KDR: variants seen among roughly 807,000 people sequenced by gnomAD.
KDR encodes the protein vascular endothelial growth factor receptor 2.
In KDR, 43 loss-of-function variants were observed where a neutral mutation model predicts 160.9. The observed-to-expected ratio is 0.27, with a 90% CI of 0.21 to 0.34. The LOEUF is 0.34. Among genes scored for constraint, KDR ranks in the 10% least tolerant of loss-of-function variants. KDR has a pLI of 1.00. For synonymous variants in KDR, 617 were observed against 600.1 expected (o/e 1.03, Z -0.41); for missense variants, 1,469 against 1,666.4 (o/e 0.88, Z 2.06).
At chr4:55,098,359 C>T in intron 16 of KDR, 87 bp from the exon 17 acceptor site, 27 of 1,464,248 alleles carry the variant, frequency 1.8e-5, no homozygotes, top group Non-Finnish European at 2.5e-5. Flanking sequence ...ATTGGAGCCT[C>T]ATTCCTGTCT....
At chr4:55,121,978 A>G (rs1720892430) in intron 1 of KDR, among the ~76,000 whole-genome samples, 1 of 152,194 alleles carries the variant, frequency 6.6e-6, no homozygotes, top group African/African-American at 2.4e-5. Flanking sequence ...CATACATGCA[A>G]ACTAATGTAC....
rs756358189 is a variant in KDR, at chr4:55,102,417, A to T, written c.2079T>A (p.Asn693Lys). The change falls in exon 14 of 30, where the codon AAT (asparagine) becomes AAA (lysine). Residue 693 changes from asparagine (N) to lysine (K), a missense_variant. Asn to Lys is a moderately conservative substitution (Grantham distance 94). This residue lies in a region of KDR where 39 missense variants were observed against 72.1 expected (regional missense o/e 0.54). Transcript: ENST00000263923. ...SIEVSCTASG[N>K]PPPQIMWFKD... ...TAAACCACATGATCTGTGGAGGGGG[A>T]TTCCCAGATGCCGTGCATGAGACTT... The T allele has an allele frequency of 1.9e-6, 3 of 1,613,382 alleles. No homozygotes were observed. The East Asian group carries it at 6.7e-5, about 36-fold the overall frequency.
intron 12 of KDR, 33 bp from the exon 13 acceptor site, chr4:55,105,017 G>A (rs369736837): frequency 1.3e-5 from 20 of 1,552,758 alleles, no homozygotes; most frequent in Non-Finnish European, 1.4e-5. Context: ...ATTGAATGGT[G>A]ATTTAACTTG....
chr4:55,098,982 AATTTATTT>A (rs71930411), intron 15 of KDR, among the ~76,000 whole-genome samples, 179 bp from the exon 16 acceptor site: 23,985 of 142,864 alleles, frequency 0.17, 2,229 homozygotes, highest in African/African-American at 0.25. Flanking sequence ...TTTTGAATTT[AATTTATTT>A]ATTTATTTAT....
At chr4:55,118,838 G>A (rs754922242) in intron 2 of KDR, 38 bp from the exon 3 acceptor site, 1 of 1,529,250 alleles carries the variant, frequency 6.5e-7, no homozygotes, top group Non-Finnish European at 9.1e-7. Flanking sequence ...AATATGAAGT[G>A]CCAGACTGTG....
At chr4:55,108,553 G>A (rs1489813754) in intron 9 of KDR, among the ~76,000 whole-genome samples, 2 of 152,130 alleles carry the variant, frequency 1.3e-5, no homozygotes, top group South Asian at 2.1e-4. Context: ...CTCAGTTAAC[G>A]AACGGCAAAA....
rs200045224 is a variant in KDR at position 55,098,208 on chromosome 4, A to C, written c.2438T>G (p.Leu813Trp). The C allele has an allele frequency of 3.6e-5, 58 of 1,613,840 alleles. 1 individual carries two copies. The South Asian group carries it at 5.8e-4, about 16-fold the overall frequency. The change falls in exon 17 of 30, where the codon TTG becomes TGG. Residue 813 changes from leucine (L) to tryptophan (W), a missense_variant. Coordinates refer to ENST00000263923, the MANE Select transcript of KDR (RefSeq NM_002253.4). ...SIVMDPDELP[L>W]DEHCERLPYD... is the part of the protein sequence containing the mutation. The stretch of plus-strand genomic sequence containing the variant: ...AGGCAGTCGTTCACAATGTTCATCC[A>C]ATGGGAGTTCATCTGGATCCATGAC...
chr4:55,080,479 G>A (rs998068912), intron 29 of KDR, among the ~76,000 whole-genome samples: 1 of 152,174 alleles, frequency 6.6e-6, no homozygotes, highest in Admixed American at 6.5e-5. Flanking sequence ...CTCGCAGATT[G>A]ACAAATTTGT....
chr4:55,121,270 C>G, intron 1 of KDR, 80 bp from the exon 2 acceptor site: 1 of 951,536 alleles, frequency 1.1e-6, no homozygotes, highest in Non-Finnish European at 1.7e-6. Context: ...ACAATGCATA[C>G]TCTATACTTT....
intron 20 of KDR, 60 bp downstream of exon 20, chr4:55,095,517 C>T: frequency 8.1e-7 from 1 of 1,240,256 alleles, no homozygotes; most frequent in South Asian, 1.2e-5. Context: ...CTAACCTGTA[C>T]CATTTTGAGT....
At chr4:55,094,770 T>A (rs774811476) in intron 21 of KDR, 32 bp downstream of exon 21, 1 of 1,604,418 alleles carries the variant, frequency 6.2e-7, no homozygotes, top group African/African-American at 1.3e-5. Flanking sequence ...GACAAGAGCA[T>A]GCCATAGCAT....
Position 55,110,517 on chromosome 4 carries a change from G to A in KDR, c.1141C>T (p.His381Tyr), listed in dbSNP as rs1341403136. Reference sequence around the variant, plus strand: ...CTCACTTCCATAATCGTCAGTACATGCCCCGCTTTAATTGTGTGATTGGAC... The same window carrying A: ...CTCACTTCCATAATCGTCAGTACATACCCCGCTTTAATTGTGTGATTGGAC... ...LESNHTIKAG[H>Y]VLTIMEVSER... Residue 381 changes from histidine to tyrosine, a missense_variant, in exon 9 of 30, where the codon CAT becomes TAT. Around this residue, in one of 7 missense-constraint regions of KDR, gnomAD observed 792 missense variants for 840.9 expected, o/e 0.94. Coordinates refer to ENST00000263923, the MANE Select transcript of KDR (RefSeq NM_002253.4). 6.2e-7 allele frequency: 1 copy of A among 1,613,852 alleles called. No homozygotes were observed. The highest frequency in any genetic ancestry group is 8.5e-7 in the Non-Finnish European group (1 of 1,179,874).
chr4:55,088,972 A>T lies in KDR; in HGVS notation c.3406T>A (p.Tyr1136Asn), dbSNP rs1030650141. 3 of 1,609,630 alleles carry T rather than the reference A, an allele frequency of 1.9e-6. No homozygotes were observed. Among genetic ancestry groups the T allele is most frequent in the African/African-American group, 2.7e-5 (2 of 74,958 alleles). The change falls in exon 26 of 30, where the codon TAC becomes AAC. Residue 1136 changes from tyrosine to asparagine, a missense_variant and splice_region_variant. This residue lies in a region of KDR where 132 missense variants were observed against 195.9 expected (regional missense o/e 0.67). Transcript: ENST00000263923. ...TGCCAGCAGTCCAGCATGGTCTGGT[A>T]CCTAGAGAAGCAAAACACTGATTTC... ...RAPDYTTPEM[Y>N]QTMLDCWHGE...
At chr4:55,115,650 A>G (rs1414779828) in intron 3 of KDR, among the ~76,000 whole-genome samples, 2 of 152,054 alleles carry the variant, frequency 1.3e-5, no homozygotes, top group African/African-American at 4.8e-5. Context: ...GTGTATAAAA[A>G]TTTTGAAAAA....
rs145869188 is a variant in KDR at position 55,105,232 on chromosome 4, C to T, written c.1646-248G>A. Among the ~76,000 whole-genome samples the T allele has an allele frequency of 2.6e-3, 393 of 152,264 alleles. 5 individuals carry two copies. Among genetic ancestry groups the T allele is most frequent in the African/African-American group, 8.8e-3 (364 of 41,550 alleles). ...TACCACATCTCCACTATGAGCTCTA[C>T]GCAATGTTTAATATATTAAAAATCC... On this transcript the variant is annotated intron_variant, in intron 12 of 29. Coordinates refer to ENST00000263923, the MANE Select transcript of KDR (RefSeq NM_002253.4).
At chr4:55,101,833 C>T in intron 15 of KDR, 64 bp downstream of exon 15, 3 of 1,381,084 alleles carry the variant, frequency 2.2e-6, no homozygotes, top group African/African-American at 1.4e-5. Flanking sequence ...TGATCAGATT[C>T]CTTTTTACGG....
rs552894590 is a variant in KDR, at chr4:55,095,075, G to A, written c.2818-120C>T. 1.2e-5 allele frequency: 12 copies of A among 982,874 alleles called. No individual in the cohort carries two copies. In the East Asian group the frequency reaches 2.8e-4, roughly 23 times the overall value. 60.9% of individuals were successfully genotyped at this position (982,874 alleles called of 1,614,324 possible). On this transcript the variant is annotated intron_variant, in intron 20 of 29. Transcript: ENST00000263923. ...TTGAAACTACTAAAAAGCAGACAAGGAGGACATCAATTTCAGGATTATGCA... is the reference window on the plus strand; with the variant it reads ...TTGAAACTACTAAAAAGCAGACAAGAAGGACATCAATTTCAGGATTATGCA...
chr4:55,091,330 T>A (rs1720006877), intron 22 of KDR, among the ~76,000 whole-genome samples: 1 of 152,010 alleles, frequency 6.6e-6, no homozygotes, highest in Admixed American at 6.6e-5. Flanking sequence ...TTTTGACTTT[T>A]CCCCCCAAAC....
At position 55,100,154 on chromosome 4, in the gene KDR, A is replaced by G. The variant is rs1308940432; in HGVS notation, c.2267-1351T>C. Among the ~76,000 whole-genome samples the G allele has an allele frequency of 5.3e-5, 8 of 152,340 alleles. No individual in the cohort carries two copies. The East Asian group carries it at 7.7e-4, about 15-fold the overall frequency. On this transcript the variant is annotated intron_variant, in intron 15 of 29. Transcript: ENST00000263923. ...GGGCCACAAGCTGTGCGGATGGCCCACTACGGCCTCAAGAGAGAAGAAGAC... is the reference window on the plus strand; with the variant it reads ...GGGCCACAAGCTGTGCGGATGGCCCGCTACGGCCTCAAGAGAGAAGAAGAC...
Sources: gnomAD v4.1 joint callset for allele counts (sites outside exome capture counted in the v4.1 genomes callset) on GRCh38, gnomAD v4.1.1 for gene constraint, gnomAD v4.1.1 regional missense constraint, MANE v1.5 for transcripts, NCBI Gene and HGNC (gene_info 2026-07-23, HGNC 2026-07-21) for gene names.